The following PLXDC2 variants were observed in gnomAD, a reference collection of about 807,000 sequenced individuals.
PLXDC2 encodes the protein plexin domain containing 2, also known as plexin domain-containing protein 2.
Under a neutral mutation model 68.9 loss-of-function variants are expected in PLXDC2, and 40 were observed. That is an observed-to-expected ratio of 0.58 (90% CI 0.45 to 0.76). PLXDC2 has a LOEUF of 0.76. Among genes scored for constraint, PLXDC2 ranks in the 30% least tolerant of loss-of-function variants. The probability of loss-of-function intolerance (pLI) is 0.00; values close to 1 mark genes in which losing one functional copy is unlikely to be tolerated. For missense variants in PLXDC2, 644 were observed against 661.9 expected, an observed-to-expected ratio of 0.97 and a Z score of 0.30; for synonymous variants, 243 against 234.2, an observed-to-expected ratio of 1.04 and a Z score of -0.34.
At chr10:20,205,331 A>G (rs1321716908) in intron 9 of PLXDC2, among the ~76,000 whole-genome samples, 1 of 152,158 alleles carries the variant, frequency 6.6e-6, no homozygotes, top group Non-Finnish European at 1.5e-5. Context: ...GGAATTAGAT[A>G]ATGGTGAGAA....
At chr10:19,844,667 C>A (rs951513896) in intron 1 of PLXDC2, among the ~76,000 whole-genome samples, 7 of 151,412 alleles carry the variant, frequency 4.6e-5, no homozygotes, top group Admixed American at 1.3e-4. Flanking sequence ...GTGACCATGT[C>A]TCACTGCAAC....
intron 1 of PLXDC2, among the ~76,000 whole-genome samples, chr10:19,851,065 T>C (rs934950491): frequency 2.0e-5 from 3 of 152,122 alleles, no homozygotes; most frequent in African/African-American, 7.2e-5. Flanking sequence ...CAAAACTAGA[T>C]ATAAAAACAA....
intron 2 of PLXDC2, among the ~76,000 whole-genome samples, chr10:20,003,496 G>A (rs796372333): frequency 2.0e-5 from 3 of 152,250 alleles, no homozygotes; most frequent in African/African-American, 7.2e-5. Context: ...GCAGTGGCAT[G>A]ATCTCGGCTC....
chr10:20,255,208 G>A (rs182821636), intron 13 of PLXDC2, among the ~76,000 whole-genome samples: 3,238 of 151,652 alleles, frequency 0.021, 126 homozygotes, highest in African/African-American at 0.075. Context: ...TAGATAGATA[G>A]ATAGATAGAT....
At chr10:19,988,520 G>T (rs1834686869) in intron 1 of PLXDC2, among the ~76,000 whole-genome samples, 1 of 151,886 alleles carries the variant, frequency 6.6e-6, no homozygotes, top group Non-Finnish European at 1.5e-5. Flanking sequence ...ACTTAATAGT[G>T]GATTCAAGGA....
At chr10:19,822,759 T>A (rs1270301121) in intron 1 of PLXDC2, among the ~76,000 whole-genome samples, 66 of 152,186 alleles carry the variant, frequency 4.3e-4, no homozygotes, top group Admixed American at 4.3e-3. Context: ...CATATGCCTG[T>A]TGGCCATTTT....
chr10:20,033,369 G>A (rs1835531676), intron 2 of PLXDC2, among the ~76,000 whole-genome samples: 1 of 151,980 alleles, frequency 6.6e-6, no homozygotes, highest in Admixed American at 6.6e-5. Flanking sequence ...TTTTACATAA[G>A]GGGATGCTGA....
intron 6 of PLXDC2, among the ~76,000 whole-genome samples, chr10:20,163,500 CA>C (rs1250990981): frequency 6.6e-6 from 1 of 152,058 alleles, no homozygotes; most frequent in Non-Finnish European, 1.5e-5. Flanking sequence ...TTATGGCTTA[CA>C]CAGCAATATC....
At chr10:20,008,826 C>T (rs898243521) in intron 2 of PLXDC2, among the ~76,000 whole-genome samples, 5 of 152,116 alleles carry the variant, frequency 3.3e-5, no homozygotes, top group East Asian at 1.9e-4. Context: ...CTTTTGAGAT[C>T]GGATGGTTCC....
intron 13 of PLXDC2, among the ~76,000 whole-genome samples, chr10:20,277,046 T>G (rs1489621662): frequency 6.6e-6 from 1 of 151,776 alleles, no homozygotes; most frequent in Non-Finnish European, 1.5e-5. Flanking sequence ...CCGTCTCTAC[T>G]AAAAATACAA....
chr10:20,044,513 T>C (rs1835763057), intron 2 of PLXDC2, among the ~76,000 whole-genome samples: 1 of 151,864 alleles, frequency 6.6e-6, no homozygotes, highest in Non-Finnish European at 1.5e-5. Flanking sequence ...TTTCACCATT[T>C]TGGCTAGGCT....
At chr10:20,178,114 TA>T (rs1834553892) in intron 9 of PLXDC2, among the ~76,000 whole-genome samples, 1 of 152,162 alleles carries the variant, frequency 6.6e-6, no homozygotes, top group South Asian at 2.1e-4. Context: ...ACATTCTTAG[TA>T]AATTTCTATG....
At chr10:20,044,245 C>A (rs1835751717) in intron 2 of PLXDC2, among the ~76,000 whole-genome samples, 1 of 112,594 alleles carries the variant, frequency 8.9e-6, no homozygotes, top group Admixed American at 9.7e-5. Context: ...TTCTTTCTTT[C>A]TTTCTTTCTT....
intron 6 of PLXDC2, among the ~76,000 whole-genome samples, chr10:20,157,947 A>G (rs1216988697): frequency 6.6e-6 from 1 of 152,154 alleles, no homozygotes; most frequent in African/African-American, 2.4e-5. Flanking sequence ...TTGTAAAACC[A>G]ATTCCTCAGA....
At chr10:20,118,153 C>A (rs1156730047) in intron 4 of PLXDC2, among the ~76,000 whole-genome samples, 1 of 151,590 alleles carries the variant, frequency 6.6e-6, no homozygotes, top group Admixed American at 6.6e-5. Context: ...CACACACACC[C>A]TTTTATAAAA....
intron 1 of PLXDC2, among the ~76,000 whole-genome samples, chr10:19,909,252 ACACT>A (rs2131372820): frequency 6.6e-6 from 1 of 152,300 alleles, no homozygotes; most frequent in East Asian, 1.9e-4. Flanking sequence ...TTTACACCAC[ACACT>A]CACACACAGA....
At chr10:20,003,418 T>C (rs1220150481) in intron 2 of PLXDC2, among the ~76,000 whole-genome samples, 3 of 151,142 alleles carry the variant, frequency 2.0e-5, no homozygotes, top group Admixed American at 6.7e-5. Flanking sequence ...GTAGGCTAAT[T>C]AGAAACAGCA....
intron 6 of PLXDC2, among the ~76,000 whole-genome samples, chr10:20,154,701 TTG>T (rs1310427979): frequency 6.6e-6 from 1 of 152,170 alleles, no homozygotes; most frequent in Non-Finnish European, 1.5e-5. Context: ...CTCTATTCTC[TTG>T]ATATACTTGG....
intron 3 of PLXDC2, among the ~76,000 whole-genome samples, chr10:20,049,359 G>C (rs1835852857): frequency 6.6e-6 from 1 of 152,076 alleles, no homozygotes; most frequent in African/African-American, 2.4e-5. Context: ...GTGCTAGCCA[G>C]AGCAATCAAG....
Sources: allele counts gnomAD v4.1 joint callset (sites outside exome capture counted in the v4.1 genomes callset), GRCh38; gene constraint gnomAD v4.1.1; transcripts MANE v1.5; gene names NCBI Gene and HGNC (gene_info 2026-07-23, HGNC 2026-07-21).